GIGYF2: variants seen among roughly 807,000 people sequenced by gnomAD.
GIGYF2 encodes the protein GRB10 interacting GYF protein 2.
In GIGYF2, 25 loss-of-function variants were observed where a neutral mutation model predicts 208.1. The observed-to-expected ratio is 0.12, with a 90% CI of 0.09 to 0.17. The LOEUF (loss-of-function observed/expected upper bound fraction) is 0.17, where lower values mean the gene tolerates loss of function less well. GIGYF2 is among the 10% of genes least tolerant of loss of function. GIGYF2 has a pLI of 1.00. For synonymous variants in GIGYF2, 534 were observed against 543.8 expected, an observed-to-expected ratio of 0.98 and a Z score of 0.25; for missense variants, 1,302 against 1,579.4, an observed-to-expected ratio of 0.82 and a Z score of 2.98.
intron 12 of GIGYF2, among the ~76,000 whole-genome samples, chr2:232,793,141 G>T (rs1700121232): frequency 6.6e-6 from 1 of 152,166 alleles, no homozygotes; most frequent in African/African-American, 2.4e-5. Context: ...GACTGATCCA[G>T]GCTTGGGCAG....
intron 3 of GIGYF2, 38 bp downstream of exon 3, chr2:232,735,276 G>T: frequency 7.2e-7 from 1 of 1,390,832 alleles, no homozygotes; most frequent in Non-Finnish European, 1.0e-6. Flanking sequence ...GATATTGGAT[G>T]ACTAATACAG....
In GIGYF2 at chr2:232,817,020, C is replaced by G; in HGVS notation, c.2358C>G (p.Ala786=). 1 of 1,612,306 alleles carries G rather than the reference C, an allele frequency of 6.2e-7. No individual in the cohort carries two copies. Among genetic ancestry groups the G allele is most frequent in the Non-Finnish European group, 8.5e-7 (1 of 1,178,416 alleles). The change falls in exon 20 of 29, where the codon GCC becomes GCG. Residue 786 remains alanine, a synonymous_variant. Transcript: ENST00000373563. Reference sequence around the variant, plus strand: ...AAAGGCGAGAGGAAGAAGAACTTGCCCGAAGGAAACAGGTATGTATCTGGG... The same window carrying G: ...AAAGGCGAGAGGAAGAAGAACTTGCGCGAAGGAAACAGGTATGTATCTGGG... ...ERKRREEEEL[A]RRKQEEALRR...
At chr2:232,713,728 A>G (rs2106260590) in intron 2 of GIGYF2, among the ~76,000 whole-genome samples, 1 of 152,162 alleles carries the variant, frequency 6.6e-6, no homozygotes, top group Non-Finnish European at 1.5e-5. Context: ...AGTACTAGTT[A>G]TTTTGTAGAA....
chr2:232,786,825 G>C (rs1032526852), intron 8 of GIGYF2, among the ~76,000 whole-genome samples: 13 of 152,166 alleles, frequency 8.5e-5, no homozygotes, highest in African/African-American at 3.1e-4. Flanking sequence ...TGTTTGGAAA[G>C]ACTTTATAAG....
intron 14 of GIGYF2, among the ~76,000 whole-genome samples, chr2:232,798,639 T>G (rs1474673615): frequency 6.6e-6 from 1 of 152,212 alleles, no homozygotes; most frequent in East Asian, 1.9e-4. Flanking sequence ...ACTGGGGTTT[T>G]AAATTTACAT....
At chr2:232,791,531 T>C in intron 12 of GIGYF2, 85 bp downstream of exon 12, 1 of 1,128,924 alleles carries the variant, frequency 8.9e-7, no homozygotes, top group Non-Finnish European at 1.3e-6. Context: ...TGCTTATGCC[T>C]CCTAGAACTG....
chr2:232,728,570 A>G (rs567451989), intron 2 of GIGYF2, among the ~76,000 whole-genome samples: 1 of 152,260 alleles, frequency 6.6e-6, no homozygotes, highest in South Asian at 2.1e-4. Context: ...TGCCTTGATG[A>G]TATGATCAGT....
chr2:232,706,635 G>A (rs577645500), intron 2 of GIGYF2, among the ~76,000 whole-genome samples: 19 of 152,160 alleles, frequency 1.2e-4, no homozygotes, highest in Non-Finnish European at 2.4e-4. Flanking sequence ...AAAATTAGCC[G>A]GGTGTGGTGG....
intron 1 of GIGYF2, among the ~76,000 whole-genome samples, chr2:232,699,538 G>T (rs1434796069): frequency 6.6e-6 from 1 of 152,122 alleles, no homozygotes; most frequent in East Asian, 1.9e-4. Flanking sequence ...AGGATGCTCA[G>T]TATTTCAGGA....
chr2:232,752,144 C>T (rs1368354644), intron 5 of GIGYF2, among the ~76,000 whole-genome samples: 1 of 152,044 alleles, frequency 6.6e-6, no homozygotes, highest in Non-Finnish European at 1.5e-5. Flanking sequence ...TATTTGGTAG[C>T]CTTTATCATT....
At chr2:232,736,552 C>T (rs978050276) in intron 3 of GIGYF2, 1 of 152,022 alleles carries the variant, frequency 6.6e-6, no homozygotes, top group Admixed American at 6.6e-5. Context: ...TAAATGGTTG[C>T]ATTGTATGGA....
intron 20 of GIGYF2, among the ~76,000 whole-genome samples, chr2:232,819,234 A>C (rs1042342509): frequency 6.6e-6 from 1 of 152,232 alleles, no homozygotes; most frequent in Non-Finnish European, 1.5e-5. Context: ...AGAGGCTCTA[A>C]GGATTATTGC....
chr2:232,799,797 C>T (rs1159191167), intron 14 of GIGYF2, among the ~76,000 whole-genome samples: 5 of 152,038 alleles, frequency 3.3e-5, no homozygotes, highest in Admixed American at 6.6e-5. Flanking sequence ...CTCTCCAACA[C>T]TTTTTTAATA....
chr2:232,800,644 G>A (rs748807766), intron 14 of GIGYF2, among the ~76,000 whole-genome samples: 34 of 151,232 alleles, frequency 2.2e-4, no homozygotes, highest in Non-Finnish European at 3.7e-4. Flanking sequence ...GAGTGCAGTG[G>A]TATGATAATG....
intron 17 of GIGYF2, among the ~76,000 whole-genome samples, chr2:232,811,591 A>G (rs1026433335): frequency 6.6e-6 from 1 of 152,206 alleles, no homozygotes; most frequent in African/African-American, 2.4e-5. Context: ...GAATAATGGG[A>G]ACTCTTGAGA....
intron 12 of GIGYF2, among the ~76,000 whole-genome samples, chr2:232,793,126 A>G (rs1308318789): frequency 6.6e-6 from 1 of 152,192 alleles, no homozygotes; most frequent in Non-Finnish European, 1.5e-5. Flanking sequence ...AAAGTGAAGA[A>G]GTGGGACTGA....
At chr2:232,785,420 TC>T (rs1213802012) in intron 8 of GIGYF2, among the ~76,000 whole-genome samples, 1 of 152,176 alleles carries the variant, frequency 6.6e-6, no homozygotes, top group Non-Finnish European at 1.5e-5. Context: ...CCAGACTCAC[TC>T]ATGTTTCTGG....
intron 12 of GIGYF2, 114 bp from the exon 13 acceptor site, chr2:232,794,631 ACAG>A: frequency 1.2e-6 from 1 of 806,712 alleles, no homozygotes. Flanking sequence ...ACTGTTCATG[ACAG>A]GGCTCACGTT....
Position 232,847,551 on chromosome 2 carries a change from C to T in GIGYF2, c.3664C>T (p.Pro1222Ser), listed in dbSNP as rs369664471. 234 of 1,611,890 alleles carry T rather than the reference C, an allele frequency of 1.5e-4. No individual in the cohort carries two copies. Among genetic ancestry groups the T allele is most frequent in the Non-Finnish European group, 1.9e-4 (224 of 1,179,802 alleles). ...GCAGCAGCAGCCGCCACAGCAGCCG[C>T]CACAGCAGCCACAACAGCAGGTATA... ...QQQQQPPQQP[P>S]QQPQQQDSVW... Residue 1222 changes from proline (P) to serine (S), a missense_variant, in exon 27 of 29, where the codon CCA becomes TCA. Pro to Ser is a moderately conservative substitution (Grantham distance 74). Coordinates refer to ENST00000373563, the MANE Select transcript of GIGYF2 (RefSeq NM_001103146.3).
Sources: allele counts gnomAD v4.1 joint callset (sites outside exome capture counted in the v4.1 genomes callset), GRCh38; gene constraint gnomAD v4.1.1; transcripts MANE v1.5; gene names NCBI Gene and HGNC (gene_info 2026-07-23, HGNC 2026-07-21).